Variants in COL24A1 observed in about 807,000 individuals in gnomAD.
COL24A1 encodes the protein collagen alpha-1(XXIV) chain.
Under a neutral mutation model 253.9 loss-of-function variants are expected in COL24A1, and 224 were observed. The ratio of observed to expected loss-of-function variants is 0.88; its 90% confidence interval spans 0.79 to 0.99. The LOEUF is 0.99. Ranked by LOEUF, COL24A1 falls within the 50% of genes least tolerant of loss-of-function variation. The pLI is 0.00. For missense variants in COL24A1, 2,131 were observed against 2,068.5 expected (o/e 1.03, Z -0.59); for synonymous variants, 685 against 673.7 (o/e 1.02, Z -0.26).
At chr1:85,873,666 C>T (rs1680796567) in intron 35 of COL24A1, among the ~76,000 whole-genome samples, 1 of 152,120 alleles carries the variant, frequency 6.6e-6, no homozygotes, top group Non-Finnish European at 1.5e-5. Context: ...GGAAGGGGAA[C>T]ATCACACACT....
intron 24 of COL24A1, among the ~76,000 whole-genome samples, chr1:85,939,966 C>T (rs2103167765): frequency 6.6e-6 from 1 of 152,194 alleles, no homozygotes; most frequent in East Asian, 1.9e-4. Context: ...TATCTACTTA[C>T]TGAGTCAGTC....
chr1:85,921,580 G>GA (rs1686502663), intron 24 of COL24A1, among the ~76,000 whole-genome samples: 1 of 152,188 alleles, frequency 6.6e-6, no homozygotes, highest in African/African-American at 2.4e-5. Flanking sequence ...GCAGCTGAGG[G>GA]ACCTGACTCT....
chr1:86,017,793 T>C (rs115186110), intron 18 of COL24A1, among the ~76,000 whole-genome samples: 1,900 of 152,356 alleles, frequency 0.012, 47 homozygotes, highest in African/African-American at 0.042. Flanking sequence ...GTCTGACATA[T>C]GAAGTACTCA....
At chr1:85,816,544 T>C (rs1391744437) in intron 47 of COL24A1, among the ~76,000 whole-genome samples, 1 of 152,224 alleles carries the variant, frequency 6.6e-6, no homozygotes, top group Non-Finnish European at 1.5e-5. Flanking sequence ...TTAACAGATT[T>C]TATATTTTTA....
chr1:85,981,763 T>C (rs1693276098), intron 20 of COL24A1, among the ~76,000 whole-genome samples: 2 of 152,324 alleles, frequency 1.3e-5, no homozygotes, highest in South Asian at 4.1e-4. Flanking sequence ...ATGGGGTTAA[T>C]ATTCAAAATC....
chr1:86,117,480 C>T (rs1483468583), intron 3 of COL24A1, among the ~76,000 whole-genome samples: 2 of 152,156 alleles, frequency 1.3e-5, no homozygotes, highest in African/African-American at 4.8e-5. Context: ...TATAAGCCTC[C>T]TAGTTTATGG....
intron 5 of COL24A1, among the ~76,000 whole-genome samples, chr1:86,104,183 G>A (rs1704728592): frequency 6.6e-6 from 1 of 151,974 alleles, no homozygotes; most frequent in South Asian, 2.1e-4. Context: ...TAACACATGT[G>A]ATTGTATTAT....
At chr1:86,017,247 TA>T in intron 18 of COL24A1, 43 bp from the exon 19 acceptor site, 12 of 1,453,366 alleles carry the variant, frequency 8.3e-6, no homozygotes, top group Non-Finnish European at 1.0e-5. Flanking sequence ...ATAAACTTAA[TA>T]AACACAATTA....
At chr1:86,091,061 TTAAAA>T (rs913073347) in intron 6 of COL24A1, among the ~76,000 whole-genome samples, 18 of 152,102 alleles carry the variant, frequency 1.2e-4, no homozygotes, top group Non-Finnish European at 1.5e-5. Flanking sequence ...TTTAGATATT[TTAAAA>T]TATGGCACTT....
chr1:86,043,250 C>T (rs1308260261), intron 12 of COL24A1, among the ~76,000 whole-genome samples: 1 of 151,956 alleles, frequency 6.6e-6, no homozygotes, highest in Admixed American at 6.6e-5. Flanking sequence ...CTGACTATAT[C>T]GCTCTACCTA....
At chr1:85,911,312 T>G in intron 25 of COL24A1, 68 bp downstream of exon 25, 1 of 1,209,670 alleles carries the variant, frequency 8.3e-7, no homozygotes, top group Non-Finnish European at 1.2e-6. Flanking sequence ...AAAGATCATA[T>G]GAAAGTCTGC....
chr1:86,085,317 CAAAAT>C (rs1350637097), intron 7 of COL24A1, among the ~76,000 whole-genome samples: 4 of 152,212 alleles, frequency 2.6e-5, no homozygotes, highest in African/African-American at 7.2e-5. Context: ...CAAATTCTCT[CAAAAT>C]AAAATAAAAA....
In COL24A1 at chr1:85,877,164, T is replaced by C. The variant is rs1163493271; in HGVS notation, c.2988A>G (p.Gly996=). 2.5e-6 allele frequency: 4 copies of C among 1,601,834 alleles called. No individual in the cohort carries two copies. Residue 996 remains glycine (G), a synonymous_variant, in exon 33 of 60, where the codon GGA becomes GGG. Transcript: ENST00000370571. Reference sequence around the variant, plus strand: ...CAGGAGGTCCAACATCACCTTGCAGTCCTCGCAGTCCCTATATTAAAATAA... The same window carrying C: ...CAGGAGGTCCAACATCACCTTGCAGCCCTCGCAGTCCCTATATTAAAATAA... ...RGLPGEPGLR[G]LQGDVGPPGE...
intron 19 of COL24A1, among the ~76,000 whole-genome samples, chr1:86,004,423 A>G (rs149482017): frequency 6.8e-4 from 104 of 152,314 alleles, no homozygotes; most frequent in African/African-American, 2.4e-3. Context: ...GATGTAATCC[A>G]TTAGTTTTAA....
intron 2 of COL24A1, among the ~76,000 whole-genome samples, chr1:86,142,522 C>CAAAAAAAA (rs554778074): frequency 8.7e-6 from 1 of 115,482 alleles, no homozygotes; most frequent in South Asian, 2.8e-4. Flanking sequence ...GACACTGCCT[C>CAAAAAAAA]AAAAAAAAAA....
chr1:85,927,240 G>C (rs28415684), intron 24 of COL24A1, among the ~76,000 whole-genome samples: 2 of 152,130 alleles, frequency 1.3e-5, no homozygotes, highest in Admixed American at 6.5e-5. Context: ...TGCGCGAGCC[G>C]AAGCAGGGCA....
intron 22 of COL24A1, among the ~76,000 whole-genome samples, chr1:85,967,868 A>T (rs1691724084): frequency 6.6e-6 from 1 of 152,184 alleles, no homozygotes; most frequent in Admixed American, 6.5e-5. Flanking sequence ...GATTGGATTG[A>T]AGGATACAAA....
At chr1:85,810,997 A>C (rs554164234) in intron 47 of COL24A1, among the ~76,000 whole-genome samples, 55 of 152,132 alleles carry the variant, frequency 3.6e-4, no homozygotes, top group Non-Finnish European at 6.2e-4. Context: ...GCTGAGCCAC[A>C]GTTTTGGGGT....
intron 7 of COL24A1, among the ~76,000 whole-genome samples, chr1:86,071,129 T>C (rs1701844465): frequency 6.6e-6 from 1 of 152,192 alleles, no homozygotes. Flanking sequence ...CAGTTTTCTT[T>C]TTACATGTTT....
Sources: gnomAD v4.1 joint callset for allele counts (sites outside exome capture counted in the v4.1 genomes callset) on GRCh38, gnomAD v4.1.1 for gene constraint, MANE v1.5 for transcripts, NCBI Gene and HGNC (gene_info 2026-07-23, HGNC 2026-07-21) for gene names.